Variants in HRH2 observed in about 807,000 individuals in gnomAD.
The protein encoded by HRH2 is histamine receptor H2.
A neutral mutation model predicts 20.1 loss-of-function variants in HRH2; 4 were observed. That is an observed-to-expected ratio of 0.20 (90% CI 0.10 to 0.45). The LOEUF (loss-of-function observed/expected upper bound fraction) is 0.45, where lower values mean the gene tolerates loss of function less well. Among genes scored for constraint, HRH2 ranks in the 20% least tolerant of loss-of-function variants. The pLI, the probability that HRH2 is intolerant of heterozygous loss-of-function variation, is 0.99. For synonymous variants in HRH2, 197 were observed against 200.7 expected (o/e 0.98, Z 0.16); for missense variants, 250 against 461.6 (o/e 0.54, Z 4.20).
At chr5:175,682,640 A>G (rs1252577626) in intron 1 of HRH2, 69 bp from the exon 2 acceptor site, 1 of 153,368 alleles carries the variant, frequency 6.5e-6, no homozygotes, top group Non-Finnish European at 1.5e-5. Flanking sequence ...GTAGAAGGAC[A>G]CATCTTGAAT....
chr5:175,703,177 A>T (rs902155770), intron 2 of HRH2, among the ~76,000 whole-genome samples: 7 of 152,242 alleles, frequency 4.6e-5, no homozygotes, highest in African/African-American at 1.4e-4. Flanking sequence ...TGGAATATTT[A>T]AAAAGCTGGC....
chr5:175,673,121 T>C (rs1383027795), intron 1 of HRH2, among the ~76,000 whole-genome samples: 4 of 152,108 alleles, frequency 2.6e-5, no homozygotes, highest in Non-Finnish European at 5.9e-5. Flanking sequence ...TGCTAGTGAT[T>C]CAAGCGCCAG....
intron 1 of HRH2, among the ~76,000 whole-genome samples, chr5:175,680,133 T>C (rs553330410): frequency 6.6e-6 from 1 of 152,346 alleles, no homozygotes; most frequent in African/African-American, 2.4e-5. Context: ...AGTTGGCAGC[T>C]TAGGTTGTTT....
intron 1 of HRH2, among the ~76,000 whole-genome samples, chr5:175,659,242 A>C (rs939100066): frequency 2.0e-5 from 3 of 151,710 alleles, no homozygotes; most frequent in African/African-American, 7.3e-5. Flanking sequence ...TCCTGTGAAG[A>C]CTCCTGGCAT....
chr5:175,705,925 C>T (rs1335517663), intron 2 of HRH2, among the ~76,000 whole-genome samples: 1 of 152,156 alleles, frequency 6.6e-6, no homozygotes, highest in Admixed American at 6.5e-5. Context: ...CTCAAGTGAT[C>T]GGCCTGCCTT....
chr5:175,697,978 G>C (rs17065333), intron 2 of HRH2, among the ~76,000 whole-genome samples: 8,799 of 152,220 alleles, frequency 0.058, 775 homozygotes, highest in African/African-American at 0.19. Flanking sequence ...TCCAGAGCCA[G>C]AAATGGCCAT....
chr5:175,697,680 C>T (rs1344572275), intron 2 of HRH2, among the ~76,000 whole-genome samples: 3 of 152,174 alleles, frequency 2.0e-5, no homozygotes, highest in Non-Finnish European at 4.4e-5. Context: ...ATTCCTGACA[C>T]TCCCCTGCTC....
At chr5:175,695,736 A>C (rs543917199) in intron 2 of HRH2, among the ~76,000 whole-genome samples, 2 of 152,358 alleles carry the variant, frequency 1.3e-5, no homozygotes, top group East Asian at 3.9e-4. Context: ...CGGGGGCAGC[A>C]AACTAAGGCA....
chr5:175,695,995 G>C (rs1756563776), intron 2 of HRH2, among the ~76,000 whole-genome samples: 2 of 152,388 alleles, frequency 1.3e-5, no homozygotes, highest in South Asian at 4.1e-4. Context: ...AGCTCTGCCA[G>C]GCACTGCTAA....
intron 1 of HRH2, among the ~76,000 whole-genome samples, chr5:175,676,105 C>T (rs1041269936): frequency 6.6e-6 from 1 of 152,236 alleles, no homozygotes; most frequent in Non-Finnish European, 1.5e-5. Flanking sequence ...GACGGCTTCA[C>T]CACGTTCTGT....
Position 175,710,031 on chromosome 5 carries a change from T to C in HRH2, c.*2060T>C, listed in dbSNP as rs1278793774. On this transcript the variant is annotated 3_prime_UTR_variant, in exon 3 of 3. Coordinates refer to ENST00000636584, the MANE Select transcript of HRH2 (RefSeq NM_001367711.1). ...GAGGAAAGGCTCCTCCTGCTCATTT[T>C]AGTGCCCTGAAATGTCACTTCCTTG... is the stretch of plus-strand genomic sequence containing the variant. 1.3e-5 allele frequency: 2 copies of C among 152,388 alleles called. No individual in the cohort carries two copies. The highest frequency in any genetic ancestry group is 1.3e-4 in the Admixed American group (2 of 15,286). The allele number at this position is 152,388 out of a possible 1,614,324, so 9.4% of individuals were successfully genotyped here. A position where few individuals can be genotyped will look rare whatever the true frequency, so the allele number is the denominator to read the frequency against.
intron 1 of HRH2, among the ~76,000 whole-genome samples, chr5:175,674,600 C>T (rs999677261): frequency 5.9e-5 from 9 of 152,148 alleles, no homozygotes; most frequent in Admixed American, 4.6e-4. Flanking sequence ...GAACCTGCCC[C>T]CAATTCCAAA....
At chr5:175,665,187 A>C (rs1762850605) in intron 1 of HRH2, among the ~76,000 whole-genome samples, 1 of 152,110 alleles carries the variant, frequency 6.6e-6, no homozygotes, top group Non-Finnish European at 1.5e-5. Flanking sequence ...GGTTGAAGGA[A>C]AGGAAGGAAT....
Position 175,677,053 on chromosome 5 carries a change from G to A in HRH2, c.-525-5656G>A, listed in dbSNP as rs978834173. On this transcript the variant is annotated intron_variant, in intron 1 of 2. Coordinates refer to ENST00000636584, the MANE Select transcript of HRH2 (RefSeq NM_001367711.1). This position sits in a 1 kb window ranked among gnomAD's most constrained non-coding sequence, Gnocchi z 4.2. ...TCAGTTGCCCAGGCTGGAGTGCAGT[G>A]GCATGATCTCAGTTCACTGCAGCCT... Among the ~76,000 whole-genome samples the A allele has an allele frequency of 6.6e-6, 1 of 151,838 alleles. No individual in the cohort carries two copies. Among genetic ancestry groups the A allele is most frequent in the Admixed American group, 6.6e-5 (1 of 15,260 alleles).
intron 2 of HRH2, among the ~76,000 whole-genome samples, chr5:175,689,286 CT>C (rs1269084692): frequency 3.3e-5 from 5 of 151,544 alleles, no homozygotes; most frequent in African/African-American, 1.2e-4. Context: ...CACATGGTGT[CT>C]AACCCCATGC....
intron 2 of HRH2, among the ~76,000 whole-genome samples, chr5:175,699,906 G>C (rs1341152190): frequency 6.6e-6 from 1 of 152,186 alleles, no homozygotes; most frequent in Non-Finnish European, 1.5e-5. Flanking sequence ...TTACAAAGGA[G>C]GAGAAAGAGA....
intron 2 of HRH2, among the ~76,000 whole-genome samples, chr5:175,685,009 G>A (rs545523548): frequency 3.2e-4 from 48 of 152,278 alleles, no homozygotes; most frequent in East Asian, 2.1e-3. Flanking sequence ...GGATGAGACT[G>A]TAGACGAGGG....
chr5:175,696,762 G>A (rs1287424202), intron 2 of HRH2, among the ~76,000 whole-genome samples: 1 of 152,204 alleles, frequency 6.6e-6, no homozygotes, highest in Non-Finnish European at 1.5e-5. Context: ...TGGCCCCCTT[G>A]CTGGCTCTTC....
intron 1 of HRH2, among the ~76,000 whole-genome samples, chr5:175,679,102 GA>G (rs1755864864): frequency 6.6e-6 from 1 of 152,138 alleles, no homozygotes; most frequent in African/African-American, 2.4e-5. Context: ...TCTTTCTGTG[GA>G]AATCTTCACC....
Sources: gnomAD v4.1 joint callset for allele counts (sites outside exome capture counted in the v4.1 genomes callset) on GRCh38, gnomAD v4.1.1 for gene constraint, Gnocchi (gnomAD v3.1) non-coding constraint, MANE v1.5 for transcripts, NCBI Gene and HGNC (gene_info 2026-07-23, HGNC 2026-07-21) for gene names.